TMEM51: variants seen among roughly 807,000 people sequenced by gnomAD.
TMEM51 encodes the protein transmembrane protein 51.
Under a neutral mutation model 13.6 loss-of-function variants are expected in TMEM51, and 8 were observed. The ratio of observed to expected loss-of-function variants is 0.59; its 90% CI spans 0.35 to 1.07. The LOEUF (loss-of-function observed/expected upper bound fraction) is 1.07. Ranked by LOEUF, TMEM51 falls within the 50% of genes least tolerant of loss-of-function variation. The pLI is 0.02. For missense variants in TMEM51, 279 were observed against 330.7 expected (o/e 0.84, Z 1.21); for synonymous variants, 147 against 144.4 (o/e 1.02, Z -0.13).
chr1:15,173,528 T>C (rs577739872), intron 1 of TMEM51, among the ~76,000 whole-genome samples: 4 of 152,066 alleles, frequency 2.6e-5, no homozygotes, highest in Non-Finnish European at 5.9e-5. Context: ...GCCAACCTGA[T>C]AGTATTCTTA....
At chr1:15,166,756 T>C (rs185366272) in intron 1 of TMEM51, among the ~76,000 whole-genome samples, 107 of 152,192 alleles carry the variant, frequency 7.0e-4, no homozygotes, top group African/African-American at 2.4e-3. Context: ...CCCAGCATTG[T>C]ATTTTATATA....
rs1236421973 is a variant in TMEM51 at position 15,197,288 on chromosome 1, A to G, written c.-266-13202A>G. On this transcript the variant is annotated intron_variant, in intron 1 of 3. Coordinates refer to ENST00000376008, the MANE Select transcript of TMEM51 (RefSeq NM_001136218.2). ...TTGAGCCAGAATCAAAGTCATATGG[A>G]CTGAGAATGGGGAGGGCCCTAGAGA... Among the ~76,000 whole-genome samples, 3 of 152,064 alleles carry G rather than the reference A, an allele frequency of 2.0e-5. No individual in the cohort carries two copies. The East Asian group carries it at 5.8e-4, about 29-fold the overall frequency.
chr1:15,174,833 G>A (rs1284813025), intron 1 of TMEM51, among the ~76,000 whole-genome samples: 1 of 152,122 alleles, frequency 6.6e-6, no homozygotes, highest in Admixed American at 6.5e-5. Context: ...CGTGTGCAGA[G>A]AGAGCTCTCT....
intron 1 of TMEM51, among the ~76,000 whole-genome samples, chr1:15,196,593 A>G (rs946081035): frequency 1.3e-5 from 2 of 152,180 alleles, no homozygotes; most frequent in African/African-American, 2.4e-5. Flanking sequence ...GCCTCAAACA[A>G]TCCTCCCACT....
At position 15,203,142 on chromosome 1, in the gene TMEM51, C is replaced by A. The variant is rs536029019; in HGVS notation, c.-266-7348C>A. 8.6e-5 allele frequency among the ~76,000 whole-genome samples: 13 copies of A among 152,006 alleles called. No homozygotes were observed. The South Asian group carries it at 2.7e-3, about 32-fold the overall frequency. On this transcript the variant is annotated intron_variant, in intron 1 of 3. Transcript: ENST00000376008. ...GACTTAGAGCCTTGGCTCTGTGGTTCCCTCCTCTGCCTGGAATGTTCTTCC... is the reference window on the plus strand; with the variant it reads ...GACTTAGAGCCTTGGCTCTGTGGTTACCTCCTCTGCCTGGAATGTTCTTCC...
chr1:15,172,500 G>A (rs535896985), intron 1 of TMEM51, among the ~76,000 whole-genome samples: 1 of 151,736 alleles, frequency 6.6e-6, no homozygotes, highest in South Asian at 2.1e-4. Flanking sequence ...GAAGGAGAGA[G>A]AGAGAGACAG....
intron 1 of TMEM51, among the ~76,000 whole-genome samples, chr1:15,197,962 A>G (rs1644084158): frequency 6.6e-6 from 1 of 151,974 alleles, no homozygotes; most frequent in African/African-American, 2.4e-5. Context: ...GACAAAAAAA[A>G]AAAAAAAAAA....
At position 15,219,467 on chromosome 1, in the gene TMEM51, G is replaced by A. The variant is rs1012326635; in HGVS notation, c.486G>A (p.Glu162=). The change falls in exon 4 of 4, where the codon GAG becomes GAA. Residue 162 remains glutamate, a synonymous_variant. Transcript: ENST00000376008. ...TGAGCATCTCTCTCCCGTCCTATGAGTCACTGACGGGGCTCGACGAGACCA... is the reference window on the plus strand; with the variant it reads ...TGAGCATCTCTCTCCCGTCCTATGAATCACTGACGGGGCTCGACGAGACCA... ...PRLSISLPSY[E]SLTGLDETTP... is the part of the protein sequence containing the mutation. 2 of 1,614,184 alleles carry A rather than the reference G, an allele frequency of 1.2e-6. No individual in the cohort carries two copies. Among genetic ancestry groups the A allele is most frequent in the Non-Finnish European group, 1.7e-6 (2 of 1,180,038 alleles).
chr1:15,191,924 G>A, intron 1 of TMEM51: 1 of 530,830 alleles, frequency 1.9e-6, no homozygotes, highest in Middle Eastern at 6.3e-4. Context: ...TTTTCCAGAA[G>A]TTGTAGGCGT....
intron 1 of TMEM51, among the ~76,000 whole-genome samples, chr1:15,186,816 G>C (rs201962836): frequency 3.0e-5 from 1 of 33,622 alleles, no homozygotes; most frequent in Non-Finnish European, 7.0e-5. Context: ...GGCAGGCCAG[G>C]GGGCAGGGAG....
intron 1 of TMEM51, among the ~76,000 whole-genome samples, chr1:15,203,774 AC>A (rs36011989): frequency 0.11 from 16,851 of 152,050 alleles, 1,172 homozygotes; most frequent in South Asian, 0.18. Flanking sequence ...TGTAATCAAA[AC>A]TCTGAGCTCG....
chr1:15,163,148 A>T (rs1317100182), intron 1 of TMEM51, among the ~76,000 whole-genome samples: 1 of 151,978 alleles, frequency 6.6e-6, no homozygotes, highest in Non-Finnish European at 1.5e-5. Context: ...TTTGGGGGGA[A>T]ACGGTGCCTA....
chr1:15,184,327 G>C (rs1397584791), intron 1 of TMEM51, among the ~76,000 whole-genome samples: 1 of 152,168 alleles, frequency 6.6e-6, no homozygotes, highest in East Asian at 1.9e-4. Context: ...GCCTGGCCTT[G>C]CCTTTCTCAC....
intron 2 of TMEM51, among the ~76,000 whole-genome samples, chr1:15,214,241 G>C (rs1644388496): frequency 6.6e-6 from 1 of 152,002 alleles, no homozygotes. Flanking sequence ...GGAGGATTTG[G>C]GGAGCACATG....
At chr1:15,167,325 TCAAAAAAAAAAAA>T (rs1643049676) in intron 1 of TMEM51, among the ~76,000 whole-genome samples, 1 of 27,336 alleles carries the variant, frequency 3.7e-5, no homozygotes, top group African/African-American at 1.3e-4. Context: ...AGACTCCATC[TCAAAAAAAAAAAA>T]AAAAAAAAAA....
intron 1 of TMEM51, among the ~76,000 whole-genome samples, chr1:15,167,363 A>C (rs6676075): frequency 7.0e-6 from 1 of 143,560 alleles, no homozygotes; most frequent in Non-Finnish European, 1.5e-5. Flanking sequence ...AAAAGAATAC[A>C]TTTGAGATTT....
intron 1 of TMEM51, chr1:15,171,273 C>T (rs1349742112): frequency 4.6e-6 from 6 of 1,304,082 alleles, no homozygotes; most frequent in African/African-American, 1.5e-5. Flanking sequence ...GAGTGGATGA[C>T]GGCATCCTTC....
chr1:15,153,213 G>T (rs1248097725), upstream of TMEM51, among the ~76,000 whole-genome samples: 1 of 92,396 alleles, frequency 1.1e-5, no homozygotes, highest in African/African-American at 3.4e-5. Flanking sequence ...AGAGGGAGGC[G>T]GTGGCCTCCC....
In TMEM51 at chr1:15,207,428, T is replaced by C. The variant is rs1460381865; in HGVS notation, c.-266-3062T>C. Reference sequence around the variant, plus strand: ...CCCAGCCATCAATGCTTGGGCCCTTTACCCCGTTTCAGCCGGGGCAGCGCT... The same window carrying C: ...CCCAGCCATCAATGCTTGGGCCCTTCACCCCGTTTCAGCCGGGGCAGCGCT... On this transcript the variant is annotated intron_variant, in intron 1 of 3. Coordinates refer to ENST00000376008, the MANE Select transcript of TMEM51 (RefSeq NM_001136218.2). The surrounding 1 kb of genome is among the most constrained non-coding windows in gnomAD (Gnocchi z 4.6). Among the ~76,000 whole-genome samples the C allele has an allele frequency of 6.6e-6, 1 of 152,246 alleles. No individual in the cohort carries two copies. Among genetic ancestry groups the C allele is most frequent in the Non-Finnish European group, 1.5e-5 (1 of 68,034 alleles).
Sources: gnomAD v4.1 joint callset for allele counts (sites outside exome capture counted in the v4.1 genomes callset) on GRCh38, gnomAD v4.1.1 for gene constraint, Gnocchi (gnomAD v3.1) non-coding constraint, MANE v1.5 for transcripts, NCBI Gene and HGNC (gene_info 2026-07-23, HGNC 2026-07-21) for gene names.